The following CMSS1 variants were observed in gnomAD, a reference collection of about 807,000 sequenced individuals.
The protein encoded by CMSS1 is cms1 ribosomal small subunit homolog.
CMSS1 carries 33 observed loss-of-function variants against 43.5 expected under a neutral mutation model. That is an observed-to-expected ratio of 0.76 (90% confidence interval 0.57 to 1.01). The LOEUF is 1.01. CMSS1 is among the 50% of genes least tolerant of loss of function. The probability of loss-of-function intolerance (pLI) is 0.00; values close to 1 mark genes in which losing one functional copy is unlikely to be tolerated. For missense variants in CMSS1, 313 were observed against 326.4 expected (o/e 0.96, Z 0.32); for synonymous variants, 115 against 117.2 (o/e 0.98, Z 0.12).
At chr3:100,172,439 C>T in intron 8 of CMSS1, 36 bp downstream of exon 8, 1 of 1,525,608 alleles carries the variant, frequency 6.6e-7, no homozygotes, top group Non-Finnish European at 9.1e-7. Context: ...TTGCCCAGGG[C>T]TGGGAGTTTG....
chr3:99,959,238 TCC>T (rs1298062248), intron 1 of CMSS1, among the ~76,000 whole-genome samples: 1 of 152,210 alleles, frequency 6.6e-6, no homozygotes, highest in Non-Finnish European at 1.5e-5. Flanking sequence ...AACCTCCAAC[TCC>T]CAGGTTACAA....
At chr3:99,875,874 C>A (rs1293137195) in intron 1 of CMSS1, among the ~76,000 whole-genome samples, 4 of 152,240 alleles carry the variant, frequency 2.6e-5, no homozygotes, top group African/African-American at 9.6e-5. Flanking sequence ...TCTGTTTTCT[C>A]CTCCAGAGAA....
At chr3:99,977,228 C>T (rs1708998809) in intron 1 of CMSS1, among the ~76,000 whole-genome samples, 1 of 152,068 alleles carries the variant, frequency 6.6e-6, no homozygotes, top group Non-Finnish European at 1.5e-5. Context: ...CAAAGAAAGG[C>T]TATATCACAG....
intron 1 of CMSS1, among the ~76,000 whole-genome samples, chr3:99,956,514 G>A (rs966551777): frequency 6.6e-6 from 1 of 152,016 alleles, no homozygotes; most frequent in Non-Finnish European, 1.5e-5. Context: ...TACCACACTC[G>A]GCTAATGATG....
intron 1 of CMSS1, among the ~76,000 whole-genome samples, chr3:99,992,732 C>A (rs139588553): frequency 6.6e-6 from 1 of 151,866 alleles, no homozygotes; most frequent in Non-Finnish European, 1.5e-5. Flanking sequence ...GTCATAAATT[C>A]TTTGCCTAGG....
chr3:99,881,746 T>C lies in CMSS1; in HGVS notation c.64+63703T>C, dbSNP rs990825106. Among the ~76,000 whole-genome samples, 9 of 152,340 alleles carry C rather than the reference T, an allele frequency of 5.9e-5. No homozygotes were observed. In the East Asian group the frequency reaches 1.7e-3, roughly 29 times the overall value. ...CGGGGTTTCACCATGTTGGCCAGGCTGGTCTCGAACTCCTGACTTCAGGTG... is the reference window on the plus strand; with the variant it reads ...CGGGGTTTCACCATGTTGGCCAGGCCGGTCTCGAACTCCTGACTTCAGGTG... On this transcript the variant is annotated intron_variant, in intron 1 of 9. Transcript: ENST00000421999.
At chr3:100,040,885 A>T (rs2065193272) in intron 1 of CMSS1, 1 of 152,232 alleles carries the variant, frequency 6.6e-6, no homozygotes, top group East Asian at 1.9e-4. Flanking sequence ...TGGATTATGC[A>T]TTTGAAAAAA....
intron 1 of CMSS1, among the ~76,000 whole-genome samples, chr3:99,914,783 C>G (rs1384259511): frequency 1.3e-5 from 2 of 152,162 alleles, no homozygotes; most frequent in Non-Finnish European, 2.9e-5. Flanking sequence ...GGATAGAGTT[C>G]TTTATACTAG....
intron 4 of CMSS1, 72 bp from the exon 5 acceptor site, chr3:100,166,263 T>A: frequency 1.0e-6 from 1 of 995,534 alleles, no homozygotes; most frequent in East Asian, 2.4e-5. Flanking sequence ...CACTCATAAC[T>A]CACATATAAT....
chr3:100,149,447 G>A (rs550616842), intron 2 of CMSS1, among the ~76,000 whole-genome samples: 18 of 152,246 alleles, frequency 1.2e-4, no homozygotes, highest in Admixed American at 1.2e-3. Flanking sequence ...ACATGCCATT[G>A]CTATTTTCTG....
rs1227074713 is a variant in CMSS1, at chr3:100,179,220, G to A, written c.*832G>A. The A allele has an allele frequency of 6.6e-6, 1 of 152,160 alleles. No individual in the cohort carries two copies. Among genetic ancestry groups the A allele is most frequent in the Non-Finnish European group, 1.5e-5 (1 of 68,048 alleles). 9.4% of individuals were successfully genotyped at this position (152,160 alleles called of 1,614,324 possible). On this transcript the variant is annotated 3_prime_UTR_variant, in exon 10 of 10. Transcript: ENST00000421999. ...GGGTGGAGACACAGAGCCAAACCAT[G>A]TCAATTCCACCCCGGCCTCTTCCAA...
chr3:100,013,865 A>G (rs1370044970), intron 1 of CMSS1, among the ~76,000 whole-genome samples: 2 of 152,154 alleles, frequency 1.3e-5, no homozygotes, highest in South Asian at 2.1e-4. Flanking sequence ...AGTGTACAAT[A>G]TGTTGTTAAC....
chr3:100,094,653 A>C (rs1418958309), intron 1 of CMSS1, among the ~76,000 whole-genome samples: 1 of 131,962 alleles, frequency 7.6e-6, no homozygotes, highest in Non-Finnish European at 1.6e-5. Context: ...TTTCTCCAGC[A>C]CCATTTGTTG....
chr3:99,850,430 C>G lies in CMSS1; in HGVS notation c.64+32387C>G, dbSNP rs537419810. ...ATTCTTTTACTGAGTTTTTCAACCT[C>G]TAGTTTAAAGTCTTTACTCTGTAAC... On this transcript the variant is annotated intron_variant, in intron 1 of 9. Coordinates refer to ENST00000421999, the MANE Select transcript of CMSS1 (RefSeq NM_032359.4). 3.8e-5 allele frequency: 62 copies of G among 1,614,026 alleles called. No homozygotes were observed. The Middle Eastern group carries it at 4.9e-4, about 13-fold the overall frequency.
chr3:100,144,182 G>A (rs1042798476), intron 1 of CMSS1, among the ~76,000 whole-genome samples: 1 of 151,878 alleles, frequency 6.6e-6, no homozygotes, highest in Non-Finnish European at 1.5e-5. Flanking sequence ...TCTTCCTATG[G>A]GTTACTTGAA....
Position 99,909,563 on chromosome 3 carries a change from G to A in CMSS1, c.64+91520G>A, listed in dbSNP as rs146061113. Among the ~76,000 whole-genome samples the A allele has an allele frequency of 1.2e-4, 19 of 152,242 alleles. No homozygotes were observed. In the East Asian group the frequency reaches 3.1e-3, roughly 25 times the overall value. ...AAGGGCAAGATTTCTTTTAGGTGAAGCAGAAACTCTCTAGAGTAAGAGAAT... is the reference window on the plus strand; with the variant it reads ...AAGGGCAAGATTTCTTTTAGGTGAAACAGAAACTCTCTAGAGTAAGAGAAT... On this transcript the variant is annotated intron_variant, in intron 1 of 9. Coordinates refer to ENST00000421999, the MANE Select transcript of CMSS1 (RefSeq NM_032359.4).
chr3:99,984,198 T>C (rs1377498583), intron 1 of CMSS1, among the ~76,000 whole-genome samples: 3 of 152,046 alleles, frequency 2.0e-5, no homozygotes, highest in Non-Finnish European at 4.4e-5. Context: ...GGAATGTGAT[T>C]GTTTGAGAGC....
At chr3:99,837,340 A>T (rs1394911444) in intron 1 of CMSS1, among the ~76,000 whole-genome samples, 1 of 152,132 alleles carries the variant, frequency 6.6e-6, no homozygotes, top group Admixed American at 6.5e-5. Flanking sequence ...CTGAGGCTTC[A>T]AAAGTGACTG....
At chr3:99,881,623 C>T (rs963143958) in intron 1 of CMSS1, among the ~76,000 whole-genome samples, 3 of 151,902 alleles carry the variant, frequency 2.0e-5, no homozygotes, top group Non-Finnish European at 4.4e-5. Flanking sequence ...ACCTCCGACT[C>T]CTGGGTTCAG....
Sources: gnomAD v4.1 joint callset for allele counts (sites outside exome capture counted in the v4.1 genomes callset) on GRCh38, gnomAD v4.1.1 for gene constraint, MANE v1.5 for transcripts, NCBI Gene and HGNC (gene_info 2026-07-23, HGNC 2026-07-21) for gene names.